Variants in LRP2 observed in about 807,000 individuals in gnomAD.
The protein encoded by LRP2 is LDL receptor related protein 2, also known as low-density lipoprotein receptor-related protein 2.
In LRP2, 172 loss-of-function variants were observed where a neutral mutation model predicts 531.0. The ratio of observed to expected loss-of-function variants is 0.32; its 90% confidence interval spans 0.29 to 0.37. The LOEUF (loss-of-function observed/expected upper bound fraction) is 0.37, where lower values mean the gene tolerates loss of function less well. Among genes scored for constraint, LRP2 ranks in the 10% least tolerant of loss-of-function variants. The pLI, the probability that LRP2 is intolerant of heterozygous loss-of-function variation, is 1.00. For missense variants in LRP2, 5,167 were observed against 5,868.3 expected (o/e 0.88, Z 3.90); for synonymous variants, 1,992 against 2,027.6 (o/e 0.98, Z 0.47).
intron 1 of LRP2, among the ~76,000 whole-genome samples, chr2:169,328,784 C>A (rs1003150253): frequency 6.6e-6 from 1 of 152,162 alleles, no homozygotes; most frequent in Admixed American, 6.5e-5. Flanking sequence ...CTGATTTAGC[C>A]CCAGGACCTG....
At chr2:169,289,218 T>C in intron 8 of LRP2, 73 bp from the exon 9 acceptor site, 1 of 1,573,280 alleles carries the variant, frequency 6.4e-7, no homozygotes, top group African/African-American at 1.3e-5. Context: ...ATAGCTTCTT[T>C]TTCCATGAGT....
chr2:169,220,078 T>G (rs144259254), intron 34 of LRP2, among the ~76,000 whole-genome samples: 28 of 152,272 alleles, frequency 1.8e-4, no homozygotes, highest in Middle Eastern at 3.4e-3. Context: ...CTCCACCTAC[T>G]AGAAGGCTTC....
At chr2:169,183,997 C>A (rs1303128045) in intron 50 of LRP2, among the ~76,000 whole-genome samples, 3 of 151,998 alleles carry the variant, frequency 2.0e-5, no homozygotes, top group Non-Finnish European at 4.4e-5. Flanking sequence ...GAAAAGTTTA[C>A]CCTACCCTCA....
chr2:169,315,958 A>C (rs1485626886), intron 3 of LRP2, among the ~76,000 whole-genome samples: 1 of 80,660 alleles, frequency 1.2e-5, no homozygotes, highest in Non-Finnish European at 2.4e-5. Flanking sequence ...CCCCATCTCT[A>C]CAAAAAAAAA....
chr2:169,354,043 C>T (rs79869162), intron 1 of LRP2, among the ~76,000 whole-genome samples: 3,751 of 152,212 alleles, frequency 0.025, 54 homozygotes, highest in Middle Eastern at 0.034. Flanking sequence ...TTTTTTCAAC[C>T]TTTACTCAGG....
intron 49 of LRP2, among the ~76,000 whole-genome samples, chr2:169,187,036 A>C (rs1687657711): frequency 6.6e-6 from 1 of 152,158 alleles, no homozygotes; most frequent in Non-Finnish European, 1.5e-5. Context: ...ACAATAGAGC[A>C]AAAGCCAGTT....
intron 31 of LRP2, among the ~76,000 whole-genome samples, chr2:169,231,309 AG>A (rs142594345): frequency 0.15 from 22,181 of 144,140 alleles, 2,469 homozygotes; most frequent in African/African-American, 0.32. Flanking sequence ...GAAAAAAAAA[AG>A]AAAGAAAGAA....
In LRP2 at chr2:169,247,792, T is replaced by C. The variant is rs1211479029; in HGVS notation, c.2771-277A>G. Among the ~76,000 whole-genome samples the C allele has an allele frequency of 2.6e-5, 4 of 152,276 alleles. No homozygotes were observed. In the East Asian group the frequency reaches 7.7e-4, roughly 29 times the overall value. The stretch of plus-strand genomic sequence containing the variant: ...AGTAGCAATTGGATTTAGTTCTGCA[T>C]AGGTAATAGTGAAAATAAGAATTGG... On this transcript the variant is annotated intron_variant, in intron 19 of 78. Coordinates refer to ENST00000649046, the MANE Select transcript of LRP2 (RefSeq NM_004525.3).
intron 31 of LRP2, among the ~76,000 whole-genome samples, chr2:169,230,165 AC>A (rs1689349515): frequency 6.6e-6 from 1 of 152,076 alleles, no homozygotes; most frequent in Non-Finnish European, 1.5e-5. Flanking sequence ...GATTACACCA[AC>A]CCCCAATGTG....
intron 72 of LRP2, 82 bp downstream of exon 72, chr2:169,140,373 T>A (rs1685674243): frequency 9.3e-7 from 1 of 1,080,796 alleles, no homozygotes; most frequent in Non-Finnish European, 1.4e-6. Flanking sequence ...GTTCCTGTAT[T>A]TGTTTTCCTG....
chr2:169,160,682 T>TAAAAAAAAA (rs781574242), intron 63 of LRP2, among the ~76,000 whole-genome samples: 2,712 of 52,620 alleles, frequency 0.052, 53 homozygotes, highest in Non-Finnish European at 0.066. Context: ...CTTATTTCCT[T>TAAAAAAAAA]AAAAAAAAAA....
At chr2:169,278,001 C>A (rs1165675791) in intron 12 of LRP2, 50 bp from the exon 13 acceptor site, 1 of 1,511,114 alleles carries the variant, frequency 6.6e-7, no homozygotes, top group African/African-American at 1.4e-5. Context: ...TACAAGTTAA[C>A]CTGGGAATTT....
intron 3 of LRP2, among the ~76,000 whole-genome samples, chr2:169,309,865 G>A (rs1167660219): frequency 1.3e-5 from 2 of 152,198 alleles, no homozygotes; most frequent in Admixed American, 6.5e-5. Context: ...AGCATAGAAT[G>A]TTCCTTCATT....
At chr2:169,334,948 G>C (rs1685364655) in intron 1 of LRP2, among the ~76,000 whole-genome samples, 1 of 152,154 alleles carries the variant, frequency 6.6e-6, no homozygotes, top group Non-Finnish European at 1.5e-5. Context: ...AACATTCTAA[G>C]AGTTGTTCCC....
chr2:169,220,497 C>T lies in LRP2; in HGVS notation c.5605G>A (p.Gly1869Arg), dbSNP rs1679279406. 8 of 1,613,532 alleles carry T rather than the reference C, an allele frequency of 5.0e-6. No homozygotes were observed. Among genetic ancestry groups the T allele is most frequent in the Admixed American group, 1.7e-5 (1 of 59,942 alleles). Residue 1869 changes from glycine to arginine, a missense_variant, in exon 34 of 79, where the codon GGA becomes AGA. Physicochemically the swap from Gly to Arg is moderately radical, Grantham distance 125 (BLOSUM62 -2). Around this residue, in one of 6 missense-constraint regions of LRP2, gnomAD observed 2,811 missense variants for 3,058.0 expected, o/e 0.92. Transcript: ENST00000649046. ...GTTATGCCAATTGGAAAGCCAACTCCAAGAGCTGTCCCATCATTGGCAATC... is the reference window on the plus strand; with the variant it reads ...GTTATGCCAATTGGAAAGCCAACTCTAAGAGCTGTCCCATCATTGGCAATC... ...TLIANDGTAL[G>R]VGFPIGITVD...
chr2:169,311,381 G>C (rs1382626760), intron 3 of LRP2, among the ~76,000 whole-genome samples: 1 of 152,212 alleles, frequency 6.6e-6, no homozygotes, highest in Non-Finnish European at 1.5e-5. Context: ...GTGTGTCCCA[G>C]AGATTCTGGT....
chr2:169,206,961 A>C lies in LRP2; in HGVS notation c.6759T>G (p.Asp2253Glu). The change falls in exon 39 of 79, where the codon GAT becomes GAG. Residue 2253 changes from aspartate (D) to glutamate (E), a missense_variant. Transcript: ENST00000649046. ...RSDGYVYWVD[D>E]SLDIIARIRI... ...GAATCCTTGCAATTATATCTAAAGA[A>C]TCATCAACCCAATAAACGTAGCCAT... 1 of 1,614,176 alleles carries C rather than the reference A, an allele frequency of 6.2e-7. No individual in the cohort carries two copies. The highest frequency in any genetic ancestry group is 8.5e-7 in the Non-Finnish European group (1 of 1,180,036).
At chr2:169,243,612 G>A in intron 22 of LRP2, 90 bp from the exon 23 acceptor site, 2 of 1,495,870 alleles carry the variant, frequency 1.3e-6, no homozygotes, top group Non-Finnish European at 1.9e-6. Context: ...AGCTACAGAA[G>A]TTATCTCAAT....
chr2:169,298,607 C>T (rs1022986386), intron 4 of LRP2, among the ~76,000 whole-genome samples: 28 of 151,892 alleles, frequency 1.8e-4, no homozygotes, highest in African/African-American at 6.8e-4. Context: ...AGAAGAAACC[C>T]AAGAGGAAGG....
Sources: allele counts gnomAD v4.1 joint callset (sites outside exome capture counted in the v4.1 genomes callset), GRCh38; gene constraint gnomAD v4.1.1; regional missense constraint gnomAD v4.1.1; transcripts MANE v1.5; gene names NCBI Gene and HGNC (gene_info 2026-07-23, HGNC 2026-07-21).